Variants in SLC9A9 observed in about 807,000 individuals in gnomAD.
SLC9A9 encodes the protein solute carrier family 9 member A9.
SLC9A9 carries 62 observed loss-of-function variants against 77.8 expected under a neutral mutation model. The ratio of observed to expected loss-of-function variants is 0.80; its 90% CI spans 0.65 to 0.98. The LOEUF (loss-of-function observed/expected upper bound fraction) is 0.98, where lower values mean the gene tolerates loss of function less well. SLC9A9 is among the 50% of genes least tolerant of loss of function. The pLI is 0.00. For missense variants in SLC9A9, 775 were observed against 774.9 expected (o/e 1.00, Z 0.00); for synonymous variants, 320 against 283.5 (o/e 1.13, Z -1.29).
At chr3:143,846,488 T>C (rs1175660785) in intron 1 of SLC9A9, among the ~76,000 whole-genome samples, 2 of 152,148 alleles carry the variant, frequency 1.3e-5, no homozygotes, top group African/African-American at 4.8e-5. Context: ...TCCTTTTTGT[T>C]TGGCTATTTC....
Position 143,720,827 on chromosome 3 carries a change from C to A in SLC9A9, c.534-27520G>T, listed in dbSNP as rs1321358135. Among the ~76,000 whole-genome samples the A allele has an allele frequency of 8.3e-3, 1,260 of 152,282 alleles. 18 individuals carry two copies. The highest frequency in any genetic ancestry group is 0.029 in the African/African-American group (1,213 of 41,510). The stretch of plus-strand genomic sequence containing the variant: ...TCAAATCGCTTTTCTGGGTCCAGCC[C>A]ATATTGGCTGTCTAGGGATGGGAAT... On this transcript the variant is annotated intron_variant, in intron 4 of 15. Transcript: ENST00000316549.
At chr3:143,605,430 C>A (rs1240942915) in intron 6 of SLC9A9, among the ~76,000 whole-genome samples, 1 of 152,238 alleles carries the variant, frequency 6.6e-6, no homozygotes, top group African/African-American at 2.4e-5. Flanking sequence ...ACCAAGCCAG[C>A]AGCTATTCCC....
chr3:143,843,482 G>A (rs189884423), intron 1 of SLC9A9, among the ~76,000 whole-genome samples: 78 of 152,244 alleles, frequency 5.1e-4, no homozygotes, highest in African/African-American at 1.4e-3. Flanking sequence ...ATCTGAAAAC[G>A]CTTTAATATG....
chr3:143,278,110 C>T (rs761002178), intron 14 of SLC9A9, among the ~76,000 whole-genome samples: 1 of 152,136 alleles, frequency 6.6e-6, no homozygotes, highest in Non-Finnish European at 1.5e-5. Flanking sequence ...AACTCATGGG[C>T]AAGGATCCCA....
At chr3:143,802,892 A>C (rs1174239973) in intron 2 of SLC9A9, among the ~76,000 whole-genome samples, 1 of 151,984 alleles carries the variant, frequency 6.6e-6, no homozygotes, top group Non-Finnish European at 1.5e-5. Flanking sequence ...GCACTTTCTT[A>C]CTCAGCCCCA....
chr3:143,492,291 C>CAA (rs1171323568), intron 11 of SLC9A9, among the ~76,000 whole-genome samples: 1,471 of 60,086 alleles, frequency 0.024, 24 homozygotes, highest in East Asian at 0.17. Flanking sequence ...GACTCCGTCT[C>CAA]AAAAAAAAAA....
intron 14 of SLC9A9, among the ~76,000 whole-genome samples, chr3:143,274,561 C>T (rs1031224499): frequency 7.2e-5 from 11 of 152,164 alleles, no homozygotes; most frequent in African/African-American, 2.7e-4. Flanking sequence ...TAATTTCAAG[C>T]TACTGACACA....
At chr3:143,693,085 A>G in intron 5 of SLC9A9, 107 bp downstream of exon 5, 1 of 851,956 alleles carries the variant, frequency 1.2e-6, no homozygotes, top group Non-Finnish European at 1.9e-6. Context: ...CAGGTGAAGA[A>G]AAATAGAAAT....
intron 12 of SLC9A9, among the ~76,000 whole-genome samples, chr3:143,384,640 G>T (rs982840696): frequency 1.3e-5 from 2 of 152,184 alleles, no homozygotes; most frequent in African/African-American, 4.8e-5. Flanking sequence ...AGGAAGTGAT[G>T]AAATTCTTTC....
At chr3:143,726,120 T>TA (rs1017153435) in intron 4 of SLC9A9, among the ~76,000 whole-genome samples, 11 of 149,402 alleles carry the variant, frequency 7.4e-5, no homozygotes, top group Admixed American at 2.7e-4. Context: ...TTTGAGAAAT[T>TA]AAAAAAAAAT....
chr3:143,385,606 G>A (rs1341943062), intron 12 of SLC9A9, among the ~76,000 whole-genome samples: 9 of 152,172 alleles, frequency 5.9e-5, no homozygotes, highest in Non-Finnish European at 1.2e-4. Context: ...AATTTTTACA[G>A]CTCTTTTTAA....
At chr3:143,375,315 A>G (rs1171109620) in intron 13 of SLC9A9, among the ~76,000 whole-genome samples, 1 of 152,194 alleles carries the variant, frequency 6.6e-6, no homozygotes. Context: ...CCCTGTATCT[A>G]TGGCCTTTTC....
intron 12 of SLC9A9, among the ~76,000 whole-genome samples, chr3:143,456,572 T>C (rs1037334668): frequency 2.0e-5 from 3 of 151,554 alleles, no homozygotes; most frequent in Non-Finnish European, 2.9e-5. Flanking sequence ...TTCTTTCTTT[T>C]TTTTTTTTTT....
At position 143,340,281 on chromosome 3, in the gene SLC9A9, A is replaced by C. The variant is rs887436216; in HGVS notation, c.1604+23203T>G. 1.9e-4 allele frequency among the ~76,000 whole-genome samples: 29 copies of C among 152,358 alleles called. 1 individual carries two copies. Among genetic ancestry groups the C allele is most frequent in the Admixed American group, 8.5e-4 (13 of 15,302 alleles). ...AATAAATAAATAAAACAGTAGGCAG[A>C]GGTCAAAAGACAATGCTCAACACCA... On this transcript the variant is annotated intron_variant, in intron 14 of 15. Coordinates refer to ENST00000316549, the MANE Select transcript of SLC9A9 (RefSeq NM_173653.4).
chr3:143,703,096 T>C (rs144513395), intron 4 of SLC9A9, among the ~76,000 whole-genome samples: 15 of 151,838 alleles, frequency 9.9e-5, no homozygotes, highest in Admixed American at 9.8e-4. Flanking sequence ...AGCTAAAGAG[T>C]GAGATAGACC....
intron 4 of SLC9A9, among the ~76,000 whole-genome samples, chr3:143,757,514 T>A (rs150185783): frequency 2.6e-3 from 389 of 152,286 alleles, no homozygotes; most frequent in African/African-American, 9.0e-3. Flanking sequence ...CTATTGGCAT[T>A]TGGAGTACAA....
At chr3:143,837,488 C>T (rs1051557782) in intron 1 of SLC9A9, among the ~76,000 whole-genome samples, 13 of 152,068 alleles carry the variant, frequency 8.5e-5, no homozygotes, top group Non-Finnish European at 1.3e-4. Flanking sequence ...CATGAGGCAT[C>T]GCCAATTCTC....
intron 5 of SLC9A9, among the ~76,000 whole-genome samples, chr3:143,665,947 T>A (rs878912325): frequency 1.3e-5 from 2 of 152,138 alleles, no homozygotes; most frequent in African/African-American, 4.8e-5. Flanking sequence ...TTGCAATCAA[T>A]AGAAAAAGAC....
rs780098507 is a variant in SLC9A9, at chr3:143,802,688, C to T, written c.379-5785G>A. On this transcript the variant is annotated intron_variant, in intron 2 of 15. Coordinates refer to ENST00000316549, the MANE Select transcript of SLC9A9 (RefSeq NM_173653.4). Reference sequence around the variant, plus strand: ...CTCAGGCTCTTGGTATTCAGTGGAACCTTCAAATCCCTTACCATCCTCAAT... The same window carrying T: ...CTCAGGCTCTTGGTATTCAGTGGAATCTTCAAATCCCTTACCATCCTCAAT... Among the ~76,000 whole-genome samples, 3 of 152,146 alleles carry T rather than the reference C, an allele frequency of 2.0e-5. No individual in the cohort carries two copies. In the East Asian group the frequency reaches 5.8e-4, roughly 29 times the overall value.
Sources: gnomAD v4.1 joint callset for allele counts (sites outside exome capture counted in the v4.1 genomes callset) on GRCh38, gnomAD v4.1.1 for gene constraint, MANE v1.5 for transcripts, NCBI Gene and HGNC (gene_info 2026-07-23, HGNC 2026-07-21) for gene names.